Variants in HGD observed in about 807,000 individuals in gnomAD.
HGD encodes homogentisate oxidase.
HGD carries 61 observed loss-of-function variants against 60.8 expected under a neutral mutation model. The observed-to-expected ratio is 1.00, with a 90% CI of 0.82 to 1.24. The LOEUF (loss-of-function observed/expected upper bound fraction) is 1.24, where lower values mean the gene tolerates loss of function less well. HGD is among the 50% of genes most tolerant of loss of function. The pLI, the probability that HGD is intolerant of heterozygous loss-of-function variation, is 0.00. For missense variants in HGD, 542 were observed against 547.1 expected, an observed-to-expected ratio of 0.99 and a Z score of 0.09; for synonymous variants, 212 against 187.7, an observed-to-expected ratio of 1.13 and a Z score of -1.06.
At chr3:120,629,481 G>T (rs768702317) in intron 13 of HGD, among the ~76,000 whole-genome samples, 1 of 152,170 alleles carries the variant, frequency 6.6e-6, no homozygotes, top group Non-Finnish European at 1.5e-5. Flanking sequence ...CCTGTGACAG[G>T]CTTGATGGGA....
At chr3:120,630,737 A>G (rs1000027419) in intron 13 of HGD, among the ~76,000 whole-genome samples, 2 of 150,542 alleles carry the variant, frequency 1.3e-5, no homozygotes, top group African/African-American at 4.9e-5. Flanking sequence ...TGACAAAAAC[A>G]TCAAAAGCAA....
intron 13 of HGD, among the ~76,000 whole-genome samples, chr3:120,628,991 G>C (rs565847217): frequency 2.6e-5 from 4 of 152,272 alleles, no homozygotes; most frequent in African/African-American, 9.6e-5. Flanking sequence ...AAGGCGACAA[G>C]TCATCGCAGA....
rs868155461 is a variant in HGD, at chr3:120,636,789, T to C, written c.1006+1666A>G. On this transcript the variant is annotated intron_variant, in intron 12 of 13. Transcript: ENST00000283871. ...CGTCCATCCTAAGGGCCTTCATTCC[T>C]GATGCTATAAAATAGCTAAATTGGC... Among the ~76,000 whole-genome samples the C allele has an allele frequency of 3.9e-5, 6 of 152,348 alleles. No individual in the cohort carries two copies. The South Asian group carries it at 1.2e-3, about 32-fold the overall frequency.
intron 9 of HGD, 142 bp downstream of exon 9, chr3:120,646,125 A>T (rs1336874149): frequency 1.4e-6 from 1 of 703,928 alleles, no homozygotes; most frequent in East Asian, 2.7e-5. Flanking sequence ...CTGGGAAGAC[A>T]CTTGGTCTAG....
intron 4 of HGD, among the ~76,000 whole-genome samples, chr3:120,665,649 G>C (rs1707882490): frequency 6.6e-6 from 1 of 152,234 alleles, no homozygotes; most frequent in South Asian, 2.1e-4. Context: ...TAAAGAAAAT[G>C]AAGGCTTTAG....
chr3:120,646,344 T>C lies in HGD; in HGVS notation c.572A>G (p.Asp191Gly), dbSNP rs1559787738. 1.9e-6 allele frequency: 3 copies of C among 1,612,780 alleles called. No individual in the cohort carries two copies. The highest frequency in any genetic ancestry group is 1.1e-5 in the South Asian group (1 of 91,056). ...VIQRGMRFSI[D>G]VFEETRGYIL... Reference sequence around the variant, plus strand: ...GTAGCCCCTGGTCTCCTCAAAGACATCTATGCTGAACCGCATTCCTCTCTG... The same window carrying C: ...GTAGCCCCTGGTCTCCTCAAAGACACCTATGCTGAACCGCATTCCTCTCTG... The change falls in exon 9 of 14, where the codon GAT (aspartate) becomes GGT (glycine). Residue 191 changes from aspartate (D) to glycine (G), a missense_variant. Around this residue, in one of 2 missense-constraint regions of HGD, gnomAD observed 537 missense variants for 529.1 expected, o/e 1.01. Transcript: ENST00000283871.
At chr3:120,639,706 A>T (rs1940907066) in intron 11 of HGD, among the ~76,000 whole-genome samples, 1 of 151,322 alleles carries the variant, frequency 6.6e-6, no homozygotes, top group Non-Finnish European at 1.5e-5. Context: ...TTGGGAGAAT[A>T]CGGAGATTCC....
At chr3:120,638,944 G>T (rs1323878883) in intron 11 of HGD, among the ~76,000 whole-genome samples, 1 of 152,122 alleles carries the variant, frequency 6.6e-6, no homozygotes, top group Non-Finnish European at 1.5e-5. Context: ...AGTCTCACAA[G>T]ATCTGATGGT....
chr3:120,656,148 T>C (rs1941489063), intron 4 of HGD, among the ~76,000 whole-genome samples: 1 of 152,144 alleles, frequency 6.6e-6, no homozygotes, highest in Non-Finnish European at 1.5e-5. Flanking sequence ...TATGTGAGGA[T>C]ACAGTAAGAA....
intron 12 of HGD, among the ~76,000 whole-genome samples, chr3:120,637,529 T>C (rs1940822467): frequency 6.6e-6 from 1 of 152,214 alleles, no homozygotes; most frequent in Admixed American, 6.5e-5. Flanking sequence ...CTTTCCAGAA[T>C]AGAGTTCATT....
intron 6 of HGD, among the ~76,000 whole-genome samples, chr3:120,649,676 C>T: frequency 6.6e-6 from 1 of 152,156 alleles, no homozygotes; most frequent in East Asian, 1.9e-4. Context: ...GAAAGGCACC[C>T]TGGGTGACTA....
At chr3:120,650,966 G>T in intron 5 of HGD, 101 bp from the exon 6 acceptor site, 1 of 915,802 alleles carries the variant, frequency 1.1e-6, no homozygotes. Flanking sequence ...TTTCTACTAG[G>T]GTCTTCCCTT....
chr3:120,669,984 A>G (rs1444705517), intron 4 of HGD, among the ~76,000 whole-genome samples: 1 of 152,174 alleles, frequency 6.6e-6, no homozygotes, highest in African/African-American at 2.4e-5. Flanking sequence ...TGGGAGGGAC[A>G]TTCATGGTGG....
At chr3:120,633,841 C>T (rs1940670149) in intron 12 of HGD, among the ~76,000 whole-genome samples, 1 of 152,066 alleles carries the variant, frequency 6.6e-6, no homozygotes, top group African/African-American at 2.4e-5. Flanking sequence ...ATGAAAAGAA[C>T]CCCAGACTTA....
At position 120,648,838 on chromosome 3, in the gene HGD, T is replaced by C. The variant is rs145974207; in HGVS notation, c.435-927A>G. ...TCAGAATACATCAATTCAAATATTT[T>C]ACATATTAATAGTTTGACTATTTTT... is the stretch of plus-strand genomic sequence containing the variant. On this transcript the variant is annotated intron_variant, in intron 6 of 13. Transcript: ENST00000283871. 3.7e-3 allele frequency among the ~76,000 whole-genome samples: 566 copies of C among 152,342 alleles called. 1 individual carries two copies. Among genetic ancestry groups the C allele is most frequent in the African/African-American group, 0.013 (546 of 41,576 alleles).
intron 4 of HGD, among the ~76,000 whole-genome samples, chr3:120,656,604 T>C (rs148668506): frequency 0.022 from 3,306 of 151,868 alleles, 50 homozygotes; most frequent in Non-Finnish European, 0.033. Context: ...CAGGCTGGAG[T>C]GCAGTGGCGC....
rs1351109217 is a variant in HGD, at chr3:120,647,045, C to T, written c.477G>A (p.Gln159=). Residue 159 remains glutamine, a synonymous_variant, in exon 8 of 14, where the codon CAG becomes CAA. Transcript: ENST00000283871. ...NSDGDFLIVP[Q]KGNLLIYTEF... ...CGGTGTAAATGAGAAGGTTCCCTTT[C>T]TGCGGAACTGACAAAAAAAGACAGG... 3.1e-6 allele frequency: 5 copies of T among 1,613,804 alleles called. No individual in the cohort carries two copies. In the African/African-American group the frequency reaches 6.7e-5, roughly 22 times the overall value.
At position 120,659,942 on chromosome 3, in the gene HGD, GT is replaced by G. The variant is rs747925796; in HGVS notation, c.283-7292del. Among the ~76,000 whole-genome samples, 70 of 146,716 alleles carry G rather than the reference GT, an allele frequency of 4.8e-4. 1 individual carries two copies. Among genetic ancestry groups the G allele is most frequent in the African/African-American group, 1.2e-3 (44 of 38,038 alleles). On this transcript the variant is annotated intron_variant, in intron 4 of 13. Transcript: ENST00000283871. ...ATGATGGGAGCAGGAGCAAGAGAGA[GT>G]GGGGGGTGGTTGCATAATGGGGGTG...
intron 4 of HGD, among the ~76,000 whole-genome samples, chr3:120,668,378 AAG>A (rs1421354425): frequency 6.6e-6 from 1 of 152,118 alleles, no homozygotes; most frequent in Non-Finnish European, 1.5e-5. Flanking sequence ...CAGGAAACCA[AAG>A]GTGTCTATAA....
Sources: allele counts gnomAD v4.1 joint callset (sites outside exome capture counted in the v4.1 genomes callset), GRCh38; gene constraint gnomAD v4.1.1; regional missense constraint gnomAD v4.1.1; transcripts MANE v1.5; gene names NCBI Gene and HGNC (gene_info 2026-07-23, HGNC 2026-07-21).